Variants in TDP1 observed in about 807,000 individuals in gnomAD.
TDP1 encodes the protein tyrosyl-DNA phosphodiesterase 1, also known as tyr-DNA phosphodiesterase 1.
TDP1 carries 64 observed loss-of-function variants against 81.5 expected under a neutral mutation model. The ratio of observed to expected loss-of-function variants is 0.79; its 90% CI spans 0.64 to 0.97. TDP1 has a LOEUF of 0.97. Ranked by LOEUF, TDP1 falls within the 50% of genes least tolerant of loss-of-function variation. The probability of loss-of-function intolerance (pLI) is 0.00; values close to 1 mark genes in which losing one functional copy is unlikely to be tolerated. For missense variants in TDP1, 723 were observed against 743.8 expected, an observed-to-expected ratio of 0.97 and a Z score of 0.33; for synonymous variants, 256 against 264.3, an observed-to-expected ratio of 0.97 and a Z score of 0.30.
chr14:90,027,770 C>T (rs962268677), intron 15 of TDP1, among the ~76,000 whole-genome samples: 1 of 152,128 alleles, frequency 6.6e-6, no homozygotes, highest in African/African-American at 2.4e-5. Context: ...CCCTTTTTCT[C>T]GTTGTACAAT....
In TDP1 at chr14:89,962,715, A is replaced by G. The variant is rs538653231; in HGVS notation, c.-7-393A>G. On this transcript the variant is annotated intron_variant, in intron 2 of 16. Transcript: ENST00000335725. ...CCCTGTCTCTACCAAAAAAAAAGAAAAAAAAAATTAGCCAGACGTGATGGC... is the reference window on the plus strand; with the variant it reads ...CCCTGTCTCTACCAAAAAAAAAGAAGAAAAAAATTAGCCAGACGTGATGGC... Among the ~76,000 whole-genome samples, 4 of 152,048 alleles carry G rather than the reference A, an allele frequency of 2.6e-5. No homozygotes were observed. The East Asian group carries it at 5.8e-4, about 22-fold the overall frequency.
At chr14:90,003,698 T>TA (rs1327965019) in intron 14 of TDP1, among the ~76,000 whole-genome samples, 1 of 152,178 alleles carries the variant, frequency 6.6e-6, no homozygotes, top group African/African-American at 2.4e-5. Context: ...GGATCACTGT[T>TA]AGAGTTGCCT....
At chr14:90,000,548 G>A (rs1328459244) in intron 14 of TDP1, among the ~76,000 whole-genome samples, 1 of 152,010 alleles carries the variant, frequency 6.6e-6, no homozygotes, top group Non-Finnish European at 1.5e-5. Flanking sequence ...CCAGACCACG[G>A]CTAATTTTGT....
At chr14:90,021,651 G>A (rs1178903717) in intron 15 of TDP1, among the ~76,000 whole-genome samples, 3 of 152,118 alleles carry the variant, frequency 2.0e-5, no homozygotes, top group African/African-American at 4.8e-5. Context: ...TCCCTAAACC[G>A]ACCTTATAGG....
In TDP1 at chr14:89,978,752, ACTTATT is replaced by A. The variant is rs558045520; in HGVS notation, c.792-1783_792-1778del. Among the ~76,000 whole-genome samples, 267 of 152,318 alleles carry A rather than the reference ACTTATT, an allele frequency of 1.8e-3. 2 individuals are homozygous for A. Among genetic ancestry groups the A allele is most frequent in the Non-Finnish European group, 3.0e-3 (204 of 68,024 alleles). ...ACGTTCTATCATGAATCCATAACTG[ACTTATT>A]CTTAATTACAATCAGCTGCTGATTT... On this transcript the variant is annotated intron_variant, in intron 7 of 16. Coordinates refer to ENST00000335725, the MANE Select transcript of TDP1 (RefSeq NM_018319.4).
At chr14:89,961,008 C>T (rs1297296857) in intron 2 of TDP1, among the ~76,000 whole-genome samples, 4 of 152,180 alleles carry the variant, frequency 2.6e-5, no homozygotes, top group Admixed American at 6.5e-5. Flanking sequence ...CCTTTAATGG[C>T]ATCCCAGGGA....
At chr14:89,975,512 C>T in intron 6 of TDP1, 1 of 964,392 alleles carries the variant, frequency 1.0e-6, no homozygotes, top group South Asian at 4.8e-5. Flanking sequence ...CTTCTCAGTC[C>T]TAATTACTGT....
At chr14:89,989,192 A>G (rs1263842715) in intron 11 of TDP1, 102 bp downstream of exon 11, 2 of 714,458 alleles carry the variant, frequency 2.8e-6, no homozygotes, top group Admixed American at 8.3e-5. Flanking sequence ...TTATTCTGTG[A>G]TTCTTTTTTT....
intron 5 of TDP1, 65 bp from the exon 6 acceptor site, chr14:89,971,110 A>T: frequency 7.1e-7 from 1 of 1,414,666 alleles, no homozygotes. Flanking sequence ...TGCCGGGATT[A>T]CAGGTGTGAG....
chr14:89,989,162 C>G, intron 11 of TDP1, 72 bp downstream of exon 11: 3 of 1,124,838 alleles, frequency 2.7e-6, no homozygotes, highest in East Asian at 4.5e-5. Flanking sequence ...AATTGGTCCT[C>G]TTTGTAATGG....
At chr14:89,975,927 C>T (rs1039662352) in intron 7 of TDP1, 112 bp downstream of exon 7, 20 of 832,668 alleles carry the variant, frequency 2.4e-5, no homozygotes, top group Admixed American at 1.0e-4. Flanking sequence ...TCTAGCACAG[C>T]GATGCTTAAC....
At chr14:90,029,776 G>A (rs776596934) in intron 15 of TDP1, among the ~76,000 whole-genome samples, 1 of 152,234 alleles carries the variant, frequency 6.6e-6, no homozygotes, top group Non-Finnish European at 1.5e-5. Context: ...TGGGATTACA[G>A]GTGTGAGCCA....
chr14:89,960,311 A>G (rs1396293290), intron 2 of TDP1, among the ~76,000 whole-genome samples: 1 of 152,214 alleles, frequency 6.6e-6, no homozygotes, highest in African/African-American at 2.4e-5. Flanking sequence ...AAAACATTTA[A>G]AAAACCACCT....
chr14:89,972,978 C>T lies in TDP1; in HGVS notation c.756+1707C>T, dbSNP rs529905539. Among the ~76,000 whole-genome samples, 57 of 152,208 alleles carry T rather than the reference C, an allele frequency of 3.7e-4. No individual in the cohort carries two copies. The South Asian group carries it at 0.011, about 31-fold the overall frequency. On this transcript the variant is annotated intron_variant, in intron 6 of 16. Transcript: ENST00000335725. ...ATCCACAAAGATGTAAGAATTCCAACTCATATTGTATCACTCTTTTTCCAA... is the reference window on the plus strand; with the variant it reads ...ATCCACAAAGATGTAAGAATTCCAATTCATATTGTATCACTCTTTTTCCAA...
At chr14:90,006,521 A>T (rs1229598404) in intron 14 of TDP1, among the ~76,000 whole-genome samples, 4 of 151,988 alleles carry the variant, frequency 2.6e-5, no homozygotes, top group African/African-American at 7.2e-5. Context: ...CTGGGACTAC[A>T]GGTGTATGCC....
At chr14:89,983,479 C>G (rs971875523) in intron 8 of TDP1, among the ~76,000 whole-genome samples, 13 of 152,156 alleles carry the variant, frequency 8.5e-5, no homozygotes, top group African/African-American at 3.1e-4. Context: ...CTGCATCTTG[C>G]CAGTCTCCTT....
intron 6 of TDP1, among the ~76,000 whole-genome samples, chr14:89,974,016 C>T (rs1256346049): frequency 6.6e-6 from 1 of 152,116 alleles, no homozygotes; most frequent in Non-Finnish European, 1.5e-5. Flanking sequence ...CTCATTTAAC[C>T]TTAATTACCT....
At chr14:89,996,501 C>T (rs888935580) in intron 14 of TDP1, among the ~76,000 whole-genome samples, 5 of 152,204 alleles carry the variant, frequency 3.3e-5, no homozygotes, top group African/African-American at 1.2e-4. Context: ...CCTCTTTCAG[C>T]CTCTGCTGGT....
chr14:89,989,247 A>G (rs953182850), intron 11 of TDP1, 157 bp downstream of exon 11: 1 of 941,480 alleles, frequency 1.1e-6, no homozygotes, highest in Non-Finnish European at 1.3e-6. Context: ...GCAGTACATT[A>G]GCATCGTCAT....
Sources: allele counts gnomAD v4.1 joint callset (sites outside exome capture counted in the v4.1 genomes callset), GRCh38; gene constraint gnomAD v4.1.1; transcripts MANE v1.5; gene names NCBI Gene and HGNC (gene_info 2026-07-23, HGNC 2026-07-21).